GPHN: variants seen among roughly 807,000 people sequenced by gnomAD.
GPHN encodes gephyrin.
A neutral mutation model predicts 95.5 loss-of-function variants in GPHN; 17 were observed. That is an observed-to-expected ratio of 0.18 (90% CI 0.12 to 0.27). The LOEUF (loss-of-function observed/expected upper bound fraction) is 0.27, where lower values mean the gene tolerates loss of function less well. Ranked by LOEUF, GPHN falls within the 10% of genes least tolerant of loss-of-function variation. GPHN has a pLI of 1.00. For missense variants in GPHN, 660 were observed against 978.1 expected (o/e 0.67, Z 4.34); for synonymous variants, 320 against 322.5 (o/e 0.99, Z 0.08).
the GPHN span, chr14:67,645,808 T>C: frequency 2.5e-6 from 4 of 1,613,286 alleles, no homozygotes; most frequent in Non-Finnish European, 3.4e-6. Flanking sequence ...ATAAGGTCAG[T>C]GGGCCAAAAC....
the GPHN span, among the ~76,000 whole-genome samples, chr14:67,687,905 A>G: frequency 3.3e-5 from 5 of 151,560 alleles, no homozygotes; most frequent in Non-Finnish European, 5.9e-5. Flanking sequence ...TCCAGTAGCT[A>G]GGATTACAGG....
intron 17 of GPHN, among the ~76,000 whole-genome samples, chr14:67,126,038 GTTAAT>G (rs2079293500): frequency 6.6e-6 from 1 of 152,032 alleles, no homozygotes; most frequent in South Asian, 2.1e-4. Flanking sequence ...ATTTTAAAAG[GTTAAT>G]TTAATAGTAC....
intron 11 of GPHN, among the ~76,000 whole-genome samples, chr14:67,071,800 T>G (rs1324876524): frequency 6.6e-6 from 1 of 151,804 alleles, no homozygotes; most frequent in Non-Finnish European, 1.5e-5. Flanking sequence ...ATAAAGTATA[T>G]TATAAATAAA....
intron 2 of GPHN, among the ~76,000 whole-genome samples, chr14:66,689,951 C>T (rs909720993): frequency 2.0e-5 from 3 of 151,652 alleles, no homozygotes; most frequent in Admixed American, 1.3e-4. Flanking sequence ...TTTTTGTCTT[C>T]GTTGGTCTAG....
chr14:67,143,262 T>A, intron 17 of GPHN, 100 bp from the exon 18 acceptor site: 1 of 781,400 alleles, frequency 1.3e-6, no homozygotes, highest in East Asian at 2.5e-5. Context: ...TGTACTCATG[T>A]TAATGCCTAT....
chr14:67,483,963 T>C, the GPHN span, among the ~76,000 whole-genome samples: 1 of 152,130 alleles, frequency 6.6e-6, no homozygotes. Flanking sequence ...CAGAGGTCCC[T>C]GGGGCTCAGA....
chr14:67,114,218 T>C (rs562160847), intron 16 of GPHN, among the ~76,000 whole-genome samples: 1 of 152,326 alleles, frequency 6.6e-6, no homozygotes, highest in East Asian at 1.9e-4. Flanking sequence ...AAAAACATTC[T>C]TTTCAATTTG....
intron 1 of GPHN, among the ~76,000 whole-genome samples, chr14:66,659,988 C>G (rs1185284471): frequency 3.3e-5 from 5 of 151,528 alleles, no homozygotes; most frequent in Non-Finnish European, 5.9e-5. Context: ...TCTCTTTTTC[C>G]TTTTTCCTTT....
intron 1 of GPHN, among the ~76,000 whole-genome samples, chr14:66,540,914 C>A (rs2059330792): frequency 1.3e-5 from 2 of 152,092 alleles, no homozygotes; most frequent in African/African-American, 4.8e-5. Flanking sequence ...GCTGGGATTA[C>A]AGGTGTGAGC....
At chr14:67,642,793 C>CTTTTTTTTTTTTTTTTTT in the GPHN span, among the ~76,000 whole-genome samples, 64 of 75,556 alleles carry the variant, frequency 8.5e-4, 13 homozygotes, top group African/African-American at 2.8e-3. Flanking sequence ...ACTACATTTT[C>CTTTTTTTTTTTTTTTTTT]TTTTTTTTTT....
chr14:66,707,487 A>T (rs900442999), intron 2 of GPHN, among the ~76,000 whole-genome samples: 18 of 152,214 alleles, frequency 1.2e-4, no homozygotes, highest in Non-Finnish European at 2.5e-4. Flanking sequence ...GCAGTCACAA[A>T]CAGAGAATGC....
chr14:66,803,230 A>G (rs970605082), intron 3 of GPHN, among the ~76,000 whole-genome samples: 3 of 152,146 alleles, frequency 2.0e-5, no homozygotes, highest in Admixed American at 6.5e-5. Flanking sequence ...CAGTGCCTCA[A>G]AATTGCCTGC....
intron 17 of GPHN, among the ~76,000 whole-genome samples, chr14:67,139,751 C>G (rs1436526502): frequency 1.3e-5 from 2 of 152,124 alleles, no homozygotes; most frequent in Non-Finnish European, 2.9e-5. Context: ...GGCAGGATGT[C>G]TGATCAAATC....
At chr14:66,687,710 A>G (rs563400106) in intron 2 of GPHN, among the ~76,000 whole-genome samples, 5 of 152,170 alleles carry the variant, frequency 3.3e-5, no homozygotes, top group Admixed American at 6.5e-5. Flanking sequence ...GCTGGTCTCT[A>G]ACTCCTGACC....
chr14:66,683,367 T>TATATATGTTC lies in GPHN; in HGVS notation c.143+2188_143+2189insGTTCATATAT, dbSNP rs1555379500. On this transcript the variant is annotated intron_variant, in intron 2 of 22. Coordinates refer to ENST00000478722, the MANE Select transcript of GPHN (RefSeq NM_020806.5). ...ATATATATATATATATATATATATA[T>TATATATGTTC]ATATATATATATGTTCATATATATA... 8.5e-4 allele frequency among the ~76,000 whole-genome samples: 16 copies of TATATATGTTC among 18,908 alleles called. 3 individuals carry two copies. Among genetic ancestry groups the TATATATGTTC allele is most frequent in the African/African-American group, 2.6e-3 (16 of 6,144 alleles). 12.4% of individuals were successfully genotyped at this position (18,908 alleles called of 152,430 possible).
At chr14:67,219,475 G>A in the GPHN span, among the ~76,000 whole-genome samples, 2 of 152,148 alleles carry the variant, frequency 1.3e-5, no homozygotes, top group Non-Finnish European at 2.9e-5. Context: ...CCTTTCTTGT[G>A]GGAGAAGGAT....
chr14:66,589,495 C>G (rs2061553255), intron 1 of GPHN, among the ~76,000 whole-genome samples: 1 of 151,650 alleles, frequency 6.6e-6, no homozygotes, highest in Non-Finnish European at 1.5e-5. Flanking sequence ...AGACTGATCT[C>G]AATCCTAGTC....
intron 1 of GPHN, among the ~76,000 whole-genome samples, chr14:66,637,635 G>T (rs1308029503): frequency 6.6e-6 from 1 of 152,096 alleles, no homozygotes; most frequent in Non-Finnish European, 1.5e-5. Flanking sequence ...ACACTTAAAA[G>T]GACTACCATG....
At chr14:67,010,730 T>C (rs1253626871) in intron 9 of GPHN, among the ~76,000 whole-genome samples, 3 of 152,078 alleles carry the variant, frequency 2.0e-5, no homozygotes, top group Non-Finnish European at 2.9e-5. Flanking sequence ...CTGCAGAGTT[T>C]GATACAATTA....
Sources: allele counts gnomAD v4.1 joint callset (sites outside exome capture counted in the v4.1 genomes callset), GRCh38; gene constraint gnomAD v4.1.1; transcripts MANE v1.5; gene names NCBI Gene and HGNC (gene_info 2026-07-23, HGNC 2026-07-21).